SFMBT2: variants seen among roughly 807,000 people sequenced by gnomAD.
The protein encoded by SFMBT2 is Scm like with four mbt domains 2, also known as scm-like with four MBT domains protein 2.
A neutral mutation model predicts 110.1 loss-of-function variants in SFMBT2; 38 were observed. The ratio of observed to expected loss-of-function variants is 0.35; its 90% CI spans 0.27 to 0.45. SFMBT2 has a LOEUF of 0.45. Ranked by LOEUF, SFMBT2 falls within the 20% of genes least tolerant of loss-of-function variation. The pLI, the probability that SFMBT2 is intolerant of heterozygous loss-of-function variation, is 1.00. For missense variants in SFMBT2, 1,011 were observed against 1,094.9 expected (o/e 0.92, Z 1.08); for synonymous variants, 425 against 425.4 (o/e 1.00, Z 0.01).
In SFMBT2 at chr10:7,301,606, C is replaced by G. The variant is rs925906170; in HGVS notation, c.437-15652G>C. On this transcript the variant is annotated intron_variant, in intron 4 of 20. Coordinates refer to ENST00000397167, the MANE Select transcript of SFMBT2 (RefSeq NM_001387889.1). The surrounding 1 kb of genome is among the most constrained non-coding windows in gnomAD (Gnocchi z 4.2). ...GCGGAACACCAGCCAGGGGCATCTC[C>G]GCTGCCTCCACAGGACAAACCAGAG... Among the ~76,000 whole-genome samples the G allele has an allele frequency of 1.3e-5, 2 of 152,168 alleles. No individual in the cohort carries two copies. The highest frequency in any genetic ancestry group is 2.9e-5 in the Non-Finnish European group (2 of 68,028).
chr10:7,314,482 C>T (rs1842933371), intron 4 of SFMBT2, among the ~76,000 whole-genome samples: 5 of 152,242 alleles, frequency 3.3e-5, no homozygotes, highest in African/African-American at 1.2e-4. Context: ...TGTAACATTT[C>T]TTAACGATCA....
intron 7 of SFMBT2, among the ~76,000 whole-genome samples, chr10:7,274,871 T>C (rs77415215): frequency 2.0e-5 from 3 of 151,664 alleles, no homozygotes; most frequent in Non-Finnish European, 4.4e-5. Context: ...AAAAAAAAAT[T>C]AGCTCACGAC....
At chr10:7,274,562 C>A (rs1313648046) in intron 7 of SFMBT2, among the ~76,000 whole-genome samples, 1 of 152,188 alleles carries the variant, frequency 6.6e-6, no homozygotes, top group African/African-American at 2.4e-5. Context: ...AAAAGGACAT[C>A]TTTGCTTCCC....
chr10:7,271,803 C>G (rs571015424), intron 7 of SFMBT2, among the ~76,000 whole-genome samples: 6 of 152,232 alleles, frequency 3.9e-5, no homozygotes, highest in African/African-American at 1.4e-4. Context: ...TGGCAGCAGA[C>G]AAGAGAAGAG....
chr10:7,345,033 G>C (rs1476600477), intron 4 of SFMBT2, among the ~76,000 whole-genome samples: 1 of 151,176 alleles, frequency 6.6e-6, no homozygotes, highest in South Asian at 2.1e-4. Context: ...TGTGATTTCA[G>C]GCAATCAGGA....
At chr10:7,341,490 C>A (rs938824506) in intron 4 of SFMBT2, among the ~76,000 whole-genome samples, 9 of 152,156 alleles carry the variant, frequency 5.9e-5, no homozygotes, top group Admixed American at 4.6e-4. Context: ...GGGTGCTGAT[C>A]TAATTTTGGT....
intron 1 of SFMBT2, among the ~76,000 whole-genome samples, chr10:7,389,097 T>G (rs1205109576): frequency 1.3e-5 from 2 of 152,236 alleles, no homozygotes; most frequent in Non-Finnish European, 2.9e-5. Flanking sequence ...GTTCCTAGAA[T>G]AAATTACTTC....
At chr10:7,242,727 G>A (rs1203858457) in intron 9 of SFMBT2, among the ~76,000 whole-genome samples, 1 of 152,204 alleles carries the variant, frequency 6.6e-6, no homozygotes, top group African/African-American at 2.4e-5. Flanking sequence ...AGACTGGCGA[G>A]GCCACCAGGC....
rs946279555 is a variant in SFMBT2 at position 7,322,923 on chromosome 10, G to A, written c.437-36969C>T. Among the ~76,000 whole-genome samples the A allele has an allele frequency of 7.2e-5, 11 of 152,168 alleles. 1 individual carries two copies. The highest frequency in any genetic ancestry group is 2.7e-4 in the African/African-American group (11 of 41,430). ...ACTGTCTCATTATCATCAGAGAAATGCTCTCATTTGTAAACCAGAACATTC... is the reference window on the plus strand; with the variant it reads ...ACTGTCTCATTATCATCAGAGAAATACTCTCATTTGTAAACCAGAACATTC... On this transcript the variant is annotated intron_variant, in intron 4 of 20. Transcript: ENST00000397167.
chr10:7,326,565 T>C (rs1006764439), intron 4 of SFMBT2, among the ~76,000 whole-genome samples: 2 of 152,218 alleles, frequency 1.3e-5, no homozygotes, highest in Non-Finnish European at 2.9e-5. Context: ...CCACAACACG[T>C]CTGGCATCCC....
At chr10:7,307,305 T>A (rs181262383) in intron 4 of SFMBT2, among the ~76,000 whole-genome samples, 8 of 152,128 alleles carry the variant, frequency 5.3e-5, no homozygotes, top group Non-Finnish European at 8.8e-5. Flanking sequence ...CCAATCCAAA[T>A]CCCAACAGAT....
chr10:7,351,880 A>ATAT (rs140156748), intron 4 of SFMBT2, among the ~76,000 whole-genome samples: 13 of 149,596 alleles, frequency 8.7e-5, no homozygotes, highest in East Asian at 1.9e-4. Flanking sequence ...TAAAAAAAAA[A>ATAT]ATATATATAT....
chr10:7,189,427 TG>T lies in SFMBT2; in HGVS notation c.1699-695del, dbSNP rs140227452. 9.2e-3 allele frequency among the ~76,000 whole-genome samples: 1,396 copies of T among 152,144 alleles called. 19 individuals carry two copies. The highest frequency in any genetic ancestry group is 0.027 in the African/African-American group (1,140 of 41,486). Reference sequence around the variant, plus strand: ...TTCTAAGAGTTCCAGCTGCTGACCCTGGGGAGATACGATGTTCCTGTTAACC... The same window carrying T: ...TTCTAAGAGTTCCAGCTGCTGACCCTGGGAGATACGATGTTCCTGTTAACC... On this transcript the variant is annotated intron_variant, in intron 15 of 20. Transcript: ENST00000397167.
At chr10:7,368,187 G>A (rs1401811325) in intron 3 of SFMBT2, 3 of 372,292 alleles carry the variant, frequency 8.1e-6, no homozygotes, top group African/African-American at 4.4e-5. Context: ...AAACATTAAT[G>A]AAACAACCAA....
chr10:7,173,847 C>G lies in SFMBT2; in HGVS notation c.1985-1186G>C, dbSNP rs150445788. Among the ~76,000 whole-genome samples, 26 of 152,294 alleles carry G rather than the reference C, an allele frequency of 1.7e-4. No individual in the cohort carries two copies. In the East Asian group the frequency reaches 3.5e-3, roughly 20 times the overall value. On this transcript the variant is annotated intron_variant, in intron 17 of 20. Coordinates refer to ENST00000397167, the MANE Select transcript of SFMBT2 (RefSeq NM_001387889.1). ...CACCACCCCTGGTTTGCAGCAGCCC[C>G]GTTGCAGGGAGCATGATTTTAGTGC... is the stretch of plus-strand genomic sequence containing the variant.
chr10:7,197,868 G>A (rs542208323), intron 14 of SFMBT2, among the ~76,000 whole-genome samples, 181 bp from the exon 15 acceptor site: 171 of 152,268 alleles, frequency 1.1e-3, no homozygotes, highest in African/African-American at 3.1e-3. Flanking sequence ...CACAATAACC[G>A]TGACAGCCAG....
rs1839308483 is a variant in SFMBT2, at chr10:7,210,505, G to A, written c.1331-4577C>T. ...CTTCAGGAAGAAAATCGGAACAACT[G>A]CTTCAGCTCAGTTAAAGGCTGGAAT... On this transcript the variant is annotated intron_variant, in intron 11 of 20. Transcript: ENST00000397167. Among the ~76,000 whole-genome samples, 4 of 152,188 alleles carry A rather than the reference G, an allele frequency of 2.6e-5. No individual in the cohort carries two copies. The South Asian group carries it at 8.3e-4, about 32-fold the overall frequency.
intron 4 of SFMBT2, among the ~76,000 whole-genome samples, chr10:7,349,888 A>G (rs532682098): frequency 2.0e-4 from 31 of 152,018 alleles, no homozygotes; most frequent in African/African-American, 7.5e-4. Context: ...GATGGACTGA[A>G]GATGCCGATG....
chr10:7,245,080 C>G (rs1040191861), intron 8 of SFMBT2, among the ~76,000 whole-genome samples: 2 of 152,146 alleles, frequency 1.3e-5, no homozygotes, highest in Non-Finnish European at 1.5e-5. Flanking sequence ...CAAGTGCCTA[C>G]CAACAGGGAA....
Sources: allele counts gnomAD v4.1 joint callset (sites outside exome capture counted in the v4.1 genomes callset), GRCh38; gene constraint gnomAD v4.1.1; non-coding constraint Gnocchi (gnomAD v3.1); transcripts MANE v1.5; gene names NCBI Gene and HGNC (gene_info 2026-07-23, HGNC 2026-07-21).